SLCO1A2: variants seen among roughly 807,000 people sequenced by gnomAD.
SLCO1A2 encodes the protein solute carrier organic anion transporter family member 1A2.
In SLCO1A2, 67 loss-of-function variants were observed where a neutral mutation model predicts 69.0. The ratio of observed to expected loss-of-function variants is 0.97; its 90% confidence interval spans 0.80 to 1.19. The LOEUF (loss-of-function observed/expected upper bound fraction) is 1.19. SLCO1A2 is among the 50% of genes most tolerant of loss of function. SLCO1A2 has a pLI of 0.00. For missense variants in SLCO1A2, 787 were observed against 793.7 expected (o/e 0.99, Z 0.10); for synonymous variants, 260 against 265.9 (o/e 0.98, Z 0.22).
chr12:21,347,372 G>A (rs1321723757), intron 2 of SLCO1A2, among the ~76,000 whole-genome samples: 5 of 152,158 alleles, frequency 3.3e-5, no homozygotes, highest in African/African-American at 1.2e-4. Context: ...GGGGCCAGGT[G>A]CGGTGGCTTA....
At chr12:21,386,462 G>A (rs2096473370) in intron 1 of SLCO1A2, among the ~76,000 whole-genome samples, 1 of 152,054 alleles carries the variant, frequency 6.6e-6, no homozygotes, top group African/African-American at 2.4e-5. Context: ...GAATCATGGA[G>A]GTGGGTTATT....
At chr12:21,272,499 G>A (rs1457208922) in intron 14 of SLCO1A2, among the ~76,000 whole-genome samples, 1 of 151,680 alleles carries the variant, frequency 6.6e-6, no homozygotes, top group African/African-American at 2.4e-5. Flanking sequence ...TTTTTATAGT[G>A]TTTTCCTTTT....
intron 1 of SLCO1A2, among the ~76,000 whole-genome samples, chr12:21,387,126 G>A (rs760586932): frequency 6.6e-6 from 1 of 152,114 alleles, no homozygotes; most frequent in Non-Finnish European, 1.5e-5. Context: ...AGGGTTTCTG[G>A]TGGAAAAAAT....
At position 21,300,374 on chromosome 12, in the gene SLCO1A2, T is replaced by G; in HGVS notation, c.884A>C (p.Lys295Thr). The part of the protein sequence containing the change: ...ENEDKQKEEV[K>T]KEKYGITKDF... ...TTTAGTGATTCCATATTTTTCCTTC[T>G]TGACCTCTTCTTTTTGTTTGTCTTC... Residue 295 changes from lysine (K) to threonine (T), a missense_variant, in exon 8 of 15, where the codon AAG becomes ACG. Transcript: ENST00000683939. The G allele has an allele frequency of 6.2e-7, 1 of 1,612,696 alleles. No individual in the cohort carries two copies. The highest frequency in any genetic ancestry group is 8.5e-7 in the Non-Finnish European group (1 of 1,179,114).
intron 1 of SLCO1A2, among the ~76,000 whole-genome samples, chr12:21,411,445 TCATTCTATTA>T: frequency 6.6e-6 from 1 of 152,320 alleles, no homozygotes; most frequent in South Asian, 2.1e-4. Context: ...GTTTCTGGGC[TCATTCTATTA>T]CACTGTGTCA....
chr12:21,406,918 ATATGG>A (rs1390331636), intron 1 of SLCO1A2, among the ~76,000 whole-genome samples: 1 of 152,208 alleles, frequency 6.6e-6, no homozygotes, highest in Middle Eastern at 3.2e-3. Context: ...CACAGAAAAC[ATATGG>A]TAGTTTATAT....
intron 1 of SLCO1A2, among the ~76,000 whole-genome samples, chr12:21,390,843 T>C (rs1941116087): frequency 6.6e-6 from 1 of 152,178 alleles, no homozygotes; most frequent in Admixed American, 6.5e-5. Context: ...TTAGAGAGCC[T>C]GAAATGTTAT....
intron 1 of SLCO1A2, chr12:21,378,391 T>G: frequency 5.6e-6 from 9 of 1,614,128 alleles, no homozygotes; most frequent in Non-Finnish European, 7.6e-6. Context: ...AGTAGAGGTT[T>G]TAAAGAGAGA....
At chr12:21,326,851 G>C (rs953958513) in intron 2 of SLCO1A2, among the ~76,000 whole-genome samples, 1 of 152,166 alleles carries the variant, frequency 6.6e-6, no homozygotes, top group African/African-American at 2.4e-5. Context: ...AAGCATGAAA[G>C]TTAGGAAAAT....
chr12:21,397,549 C>T (rs1281927933), upstream of SLCO1A2, among the ~76,000 whole-genome samples: 1 of 152,148 alleles, frequency 6.6e-6, no homozygotes, highest in East Asian at 1.9e-4. Flanking sequence ...GAACCCTCCA[C>T]CCCAAATCAA....
At chr12:21,325,111 T>TATG (rs2136898684) in intron 2 of SLCO1A2, among the ~76,000 whole-genome samples, 1 of 152,258 alleles carries the variant, frequency 6.6e-6, no homozygotes, top group African/African-American at 2.4e-5. Context: ...CACAAATGGA[T>TATG]ATGAAGTGGA....
At chr12:21,393,218 G>C (rs1243785387) in intron 1 of SLCO1A2, among the ~76,000 whole-genome samples, 1 of 152,104 alleles carries the variant, frequency 6.6e-6, no homozygotes, top group Non-Finnish European at 1.5e-5. Flanking sequence ...AATAAGAACA[G>C]AACCGATAAT....
intron 1 of SLCO1A2, among the ~76,000 whole-genome samples, chr12:21,374,782 T>C (rs1940068588): frequency 6.6e-6 from 1 of 151,966 alleles, no homozygotes; most frequent in Non-Finnish European, 1.5e-5. Context: ...ACTAAGCACT[T>C]TTACCCTCTC....
At chr12:21,309,300 A>C (rs905544799) in intron 4 of SLCO1A2, among the ~76,000 whole-genome samples, 1 of 152,186 alleles carries the variant, frequency 6.6e-6, no homozygotes, top group Admixed American at 6.5e-5. Context: ...ATTATCAAAG[A>C]AATAACAAAA....
upstream of SLCO1A2, among the ~76,000 whole-genome samples, chr12:21,338,095 T>C (rs925255620): frequency 2.0e-5 from 3 of 152,016 alleles, no homozygotes; most frequent in Admixed American, 6.6e-5. Flanking sequence ...TTTAGGGGAA[T>C]TGGTTGTAAA....
chr12:21,377,037 A>G (rs1489813516), intron 1 of SLCO1A2, among the ~76,000 whole-genome samples: 1 of 152,208 alleles, frequency 6.6e-6, no homozygotes, highest in Non-Finnish European at 1.5e-5. Flanking sequence ...TGGTATACAA[A>G]TAAATGTCTT....
At chr12:21,296,923 A>T (rs570787621) in intron 9 of SLCO1A2, among the ~76,000 whole-genome samples, 2 of 152,180 alleles carry the variant, frequency 1.3e-5, no homozygotes, top group Non-Finnish European at 2.9e-5. Flanking sequence ...GGCTAAAACC[A>T]CTGAGGTTAG....
intron 2 of SLCO1A2, among the ~76,000 whole-genome samples, chr12:21,341,300 T>A (rs1445044882): frequency 6.6e-6 from 1 of 152,056 alleles, no homozygotes; most frequent in African/African-American, 2.4e-5. Context: ...TATTTCTGTA[T>A]AATCTATAGT....
intron 6 of SLCO1A2, among the ~76,000 whole-genome samples, chr12:21,302,938 C>T (rs536111398): frequency 4.0e-5 from 6 of 151,046 alleles, no homozygotes; most frequent in South Asian, 4.2e-4. Flanking sequence ...ATGATTTGTC[C>T]GCCTCAGCCT....
Sources: allele counts gnomAD v4.1 joint callset (sites outside exome capture counted in the v4.1 genomes callset), GRCh38; gene constraint gnomAD v4.1.1; transcripts MANE v1.5; gene names NCBI Gene and HGNC (gene_info 2026-07-23, HGNC 2026-07-21).